Variants in KSR2 observed in about 807,000 individuals in gnomAD.
KSR2 encodes the protein kinase suppressor of ras 2.
Under a neutral mutation model 107.8 loss-of-function variants are expected in KSR2, and 25 were observed. That is an observed-to-expected ratio of 0.23 (90% CI 0.17 to 0.32). The LOEUF (loss-of-function observed/expected upper bound fraction) is 0.32, where lower values mean the gene tolerates loss of function less well. Ranked by LOEUF, KSR2 falls within the 10% of genes least tolerant of loss-of-function variation. The pLI, the probability that KSR2 is intolerant of heterozygous loss-of-function variation, is 1.00. For missense variants in KSR2, 887 were observed against 1,268.9 expected (o/e 0.70, Z 4.57); for synonymous variants, 480 against 507.0 (o/e 0.95, Z 0.71).
intron 3 of KSR2, among the ~76,000 whole-genome samples, chr12:117,826,038 GATGGATGA>G (rs1891737712): frequency 6.6e-6 from 1 of 151,972 alleles, no homozygotes; most frequent in African/African-American, 2.4e-5. Context: ...TGGATGGATG[GATGGATGA>G]ATGGATGGAT....
intron 3 of KSR2, among the ~76,000 whole-genome samples, chr12:117,848,347 G>C (rs1892774075): frequency 6.6e-6 from 1 of 152,230 alleles, no homozygotes; most frequent in Admixed American, 6.5e-5. Flanking sequence ...GAAGTTCCCA[G>C]TTTTGGAATG....
intron 5 of KSR2, among the ~76,000 whole-genome samples, chr12:117,597,358 G>A (rs1002145149): frequency 6.6e-6 from 1 of 152,156 alleles, no homozygotes; most frequent in East Asian, 1.9e-4. Context: ...ATGGCAAAAG[G>A]GACTTTGAAG....
intron 4 of KSR2, among the ~76,000 whole-genome samples, chr12:117,753,838 A>G (rs1033746102): frequency 1.3e-5 from 2 of 151,268 alleles, no homozygotes; most frequent in Non-Finnish European, 2.9e-5. Context: ...AAAAAGAAGA[A>G]GGAAAACAAG....
chr12:117,963,524 GC>G (rs556695898), intron 1 of KSR2, among the ~76,000 whole-genome samples: 134 of 151,654 alleles, frequency 8.8e-4, no homozygotes, highest in African/African-American at 3.0e-3. Flanking sequence ...GATCTCTTGA[GC>G]CCTGGAGGTC....
Position 117,458,234 on chromosome 12 carries a change from A to C in KSR2, c.*8965T>G, listed in dbSNP as rs1870715113. Reference sequence around the variant, plus strand: ...TGCCAGCATCTGTGTGAGGACACAAAGACCTCTCTTCTACCTTGTTCATCC... The same window carrying C: ...TGCCAGCATCTGTGTGAGGACACAACGACCTCTCTTCTACCTTGTTCATCC... On this transcript the variant is annotated 3_prime_UTR_variant, in exon 20 of 20. Coordinates refer to ENST00000339824, the MANE Select transcript of KSR2 (RefSeq NM_173598.6). 1 of 152,194 alleles carries C rather than the reference A, an allele frequency of 6.6e-6. No individual in the cohort carries two copies. The highest frequency in any genetic ancestry group is 2.4e-5 in the African/African-American group (1 of 41,450). The allele number at this position is 152,194 out of a possible 1,614,324, so 9.4% of individuals were successfully genotyped here.
intron 3 of KSR2, among the ~76,000 whole-genome samples, chr12:117,765,172 T>G (rs1293733334): frequency 6.6e-6 from 1 of 152,216 alleles, no homozygotes; most frequent in Non-Finnish European, 1.5e-5. Flanking sequence ...CATGGTAAGC[T>G]CTGGATTGAT....
chr12:117,686,947 G>A (rs1885596575), intron 4 of KSR2, among the ~76,000 whole-genome samples: 1 of 152,206 alleles, frequency 6.6e-6, no homozygotes, highest in Non-Finnish European at 1.5e-5. Context: ...GGCTTGGAGA[G>A]GACTCAGAAG....
At chr12:117,820,278 A>G (rs1042821071) in intron 3 of KSR2, among the ~76,000 whole-genome samples, 3 of 152,060 alleles carry the variant, frequency 2.0e-5, no homozygotes, top group Non-Finnish European at 4.4e-5. Flanking sequence ...AACTCCAGAT[A>G]AAGGTTTGGG....
chr12:117,874,352 C>T (rs1220548776), intron 1 of KSR2, among the ~76,000 whole-genome samples: 1 of 152,118 alleles, frequency 6.6e-6, no homozygotes, highest in Non-Finnish European at 1.5e-5. Flanking sequence ...CCCACCTCAG[C>T]TTCCCAAGTA....
intron 18 of KSR2, 44 bp downstream of exon 18, chr12:117,471,147 T>G (rs766840874): frequency 2.1e-5 from 34 of 1,607,754 alleles, no homozygotes; most frequent in Admixed American, 1.8e-4. Context: ...ACTGTGTCTG[T>G]GTCTCCCCTC....
intron 12 of KSR2, among the ~76,000 whole-genome samples, chr12:117,530,355 C>T (rs1875527155): frequency 6.6e-6 from 1 of 152,074 alleles, no homozygotes; most frequent in Non-Finnish European, 1.5e-5. Flanking sequence ...GCTTTGCAAG[C>T]CATACAGATT....
chr12:117,689,533 G>C (rs942523072), intron 4 of KSR2, among the ~76,000 whole-genome samples: 7 of 152,150 alleles, frequency 4.6e-5, no homozygotes, highest in Non-Finnish European at 7.3e-5. Context: ...AAACAAATGG[G>C]TGTGGCTGTA....
Position 117,907,274 on chromosome 12 carries a change from C to T in KSR2, c.181-46843G>A, listed in dbSNP as rs954031607. 2.6e-5 allele frequency among the ~76,000 whole-genome samples: 4 copies of T among 152,176 alleles called. No homozygotes were observed. The highest frequency in any genetic ancestry group is 7.2e-5 in the African/African-American group (3 of 41,442). On this transcript the variant is annotated intron_variant, in intron 1 of 19. Transcript: ENST00000339824. This position sits in a 1 kb window ranked among gnomAD's most constrained non-coding sequence, Gnocchi z 4.3. ...ATGAGCCATTACACCAAACTGCCTT[C>T]GTTCTGGATGGGGGCGTCCTGACAT... is the stretch of plus-strand genomic sequence containing the variant.
At chr12:117,791,882 C>T (rs1890263465) in intron 3 of KSR2, among the ~76,000 whole-genome samples, 1 of 152,228 alleles carries the variant, frequency 6.6e-6, no homozygotes, top group African/African-American at 2.4e-5. Context: ...GAACCAGAAA[C>T]TTCTCTTCTA....
chr12:117,604,084 A>C (rs1881098597), intron 5 of KSR2, among the ~76,000 whole-genome samples: 1 of 152,194 alleles, frequency 6.6e-6, no homozygotes, highest in Admixed American at 6.5e-5. Context: ...CTACCTTCAG[A>C]TCAAACACCG....
At chr12:117,674,298 C>T (rs1229190407) in intron 4 of KSR2, 1 of 509,848 alleles carries the variant, frequency 2.0e-6, no homozygotes, top group Non-Finnish European at 3.9e-6. Context: ...CTGCCGCTGC[C>T]TCCTCGCTGG....
chr12:117,488,369 C>CCTAT (rs1269815853), intron 14 of KSR2, among the ~76,000 whole-genome samples: 1 of 152,206 alleles, frequency 6.6e-6, no homozygotes, highest in African/African-American at 2.4e-5. Context: ...GTTAAAGCAA[C>CCTAT]CTATCTGTTG....
At chr12:117,742,532 G>GGGTGGA (rs144286470) in intron 4 of KSR2, among the ~76,000 whole-genome samples, 23 of 149,462 alleles carry the variant, frequency 1.5e-4, no homozygotes, top group East Asian at 3.9e-4. Flanking sequence ...GGATGGATGG[G>GGGTGGA]TGGATGGATG....
chr12:117,523,134 C>G (rs1874871196), intron 14 of KSR2, among the ~76,000 whole-genome samples: 1 of 152,214 alleles, frequency 6.6e-6, no homozygotes, highest in Non-Finnish European at 1.5e-5. Flanking sequence ...CCAGTCAACC[C>G]ACCATCTGCA....
Sources: allele counts gnomAD v4.1 joint callset (sites outside exome capture counted in the v4.1 genomes callset), GRCh38; gene constraint gnomAD v4.1.1; non-coding constraint Gnocchi (gnomAD v3.1); transcripts MANE v1.5; gene names NCBI Gene and HGNC (gene_info 2026-07-23, HGNC 2026-07-21).